PEX16: variants seen among roughly 807,000 people sequenced by gnomAD.
PEX16 encodes the protein peroxisomal biogenesis factor 16, also known as peroxin 16.
PEX16 carries 37 observed loss-of-function variants against 50.5 expected under a neutral mutation model. That is an observed-to-expected ratio of 0.73 (90% CI 0.56 to 0.96). The LOEUF is 0.96. PEX16 is among the 40% of genes least tolerant of loss of function. The pLI is 0.00. For missense variants in PEX16, 401 were observed against 438.3 expected (o/e 0.91, Z 0.76); for synonymous variants, 185 against 190.3 (o/e 0.97, Z 0.23).
intron 9 of PEX16, 81 bp downstream of exon 9, chr11:45,913,738 A>C: frequency 1.3e-6 from 2 of 1,522,308 alleles, no homozygotes; most frequent in Non-Finnish European, 9.1e-7. Context: ...GGCGTGGGGA[A>C]GGGAAGGCGC....
In PEX16 at chr11:45,914,519, G is replaced by A. The variant is rs371744103; in HGVS notation, c.542-51C>T. On this transcript the variant is annotated intron_variant, in intron 6 of 10. Transcript: ENST00000378750. ...CGAGCCAGGCCCAGGCTGGGGCAGG[G>A]GAAGGTGGCTGCTGACCAAAGCCAG... The A allele has an allele frequency of 1.9e-6, 3 of 1,611,196 alleles. No individual in the cohort carries two copies. In the African/African-American group the frequency reaches 4.0e-5, roughly 22 times the overall value.
intron 9 of PEX16, among the ~76,000 whole-genome samples, chr11:45,913,190 C>T (rs1383480506): frequency 6.6e-6 from 1 of 152,148 alleles, no homozygotes; most frequent in Non-Finnish European, 1.5e-5. Context: ...GTCTGCCTCA[C>T]AGTCCCAGCC....
chr11:45,910,907 G>A lies in PEX16; in HGVS notation c.943C>T (p.Leu315=), dbSNP rs150774189. The part of the protein sequence containing the change: ...LLADHVPGVG[L]VTRPLMDYLP... ...CCCCATCCCTGCTTACTTGTGACCAGGCCAACGCCAGGGACGTGGTCGGCC... is the reference window on the plus strand; with the variant it reads ...CCCCATCCCTGCTTACTTGTGACCAAGCCAACGCCAGGGACGTGGTCGGCC... Residue 315 remains leucine (L), a synonymous_variant, in exon 10 of 11, where the codon CTG becomes TTG. Coordinates refer to ENST00000378750, the MANE Select transcript of PEX16 (RefSeq NM_004813.4). 1,181 of 1,613,612 alleles carry A rather than the reference G, an allele frequency of 7.3e-4. 10 individuals are homozygous for A. The African/African-American group carries it at 0.014, about 19-fold the overall frequency.
intron 2 of PEX16, 54 bp downstream of exon 2, chr11:45,917,404 C>G: frequency 6.3e-7 from 1 of 1,574,902 alleles, no homozygotes; most frequent in Non-Finnish European, 8.7e-7. Flanking sequence ...CTGGGGAACT[C>G]ACCAGGGGCC....
At chr11:45,917,997 C>G, upstream of PEX16, 1 of 663,108 alleles carries the variant, frequency 1.5e-6, no homozygotes, top group Non-Finnish European at 2.7e-6. Context: ...TGAACCGCTT[C>G]CCACTCGGGT....
At position 45,917,680 on chromosome 11, in the gene PEX16, A is replaced by G; in HGVS notation, c.112+20T>C. ...ATAGGTCAGGGCCCAGAAGGAACTG[A>G]TCAAAGGTCAGGGTGGCACCTGCCA... On this transcript the variant is annotated intron_variant, in intron 1 of 10. Coordinates refer to ENST00000378750, the MANE Select transcript of PEX16 (RefSeq NM_004813.4). 1.9e-6 allele frequency: 3 copies of G among 1,544,082 alleles called. No individual in the cohort carries two copies. Among genetic ancestry groups the G allele is most frequent in the Non-Finnish European group, 2.6e-6 (3 of 1,139,480 alleles).
chr11:45,912,965 G>A (rs1476792571), intron 9 of PEX16, among the ~76,000 whole-genome samples: 1 of 151,752 alleles, frequency 6.6e-6, no homozygotes, highest in East Asian at 1.9e-4. Context: ...AGGACTTACA[G>A]GCGCACACCA....
intron 2 of PEX16, 171 bp downstream of exon 2, chr11:45,917,287 G>A (rs1168908332): frequency 1.4e-6 from 1 of 697,806 alleles, no homozygotes; most frequent in South Asian, 1.5e-5. Flanking sequence ...TTGACTTAGG[G>A]ACATGGAGGG....
upstream of PEX16, chr11:45,918,762 G>A (rs904511809): frequency 1.3e-5 from 2 of 152,246 alleles, no homozygotes; most frequent in African/African-American, 2.4e-5. Context: ...CCCCTGGGGA[G>A]TATCTTCCCA....
In PEX16 at chr11:45,915,507, T is replaced by A; in HGVS notation, c.421A>T (p.Ile141Phe). 1.9e-6 allele frequency: 3 copies of A among 1,614,096 alleles called. No individual in the cohort carries two copies. The highest frequency in any genetic ancestry group is 2.5e-6 in the Non-Finnish European group (3 of 1,180,000). The change falls in exon 5 of 11, where the codon ATC (isoleucine) becomes TTC (phenylalanine). Residue 141 changes from isoleucine to phenylalanine, a missense_variant. By Grantham distance (21) the Ile-to-Phe change is conservative. Coordinates refer to ENST00000378750, the MANE Select transcript of PEX16 (RefSeq NM_004813.4). Reference protein sequence around the residue: ...FKAGLQTSPPIVPLDRETQAQ... With the variant: ...FKAGLQTSPPFVPLDRETQAQ... ...TGGGTCTCTCTGTCCAGTGGAACGA[T>A]AGGGGGTGAAGTCTGGAGGCCAGCC...
chr11:45,917,491 G>T lies in PEX16; in HGVS notation c.115C>A (p.Arg39=). The T allele has an allele frequency of 1.2e-6, 2 of 1,614,062 alleles. No individual in the cohort carries two copies. Among genetic ancestry groups the T allele is most frequent in the Non-Finnish European group, 1.7e-6 (2 of 1,180,022 alleles). Residue 39 remains arginine, a splice_region_variant and synonymous_variant, in exon 2 of 11, where the codon CGA becomes AGA. Transcript: ENST00000378750. ...GACAGCTCGTGCGAATCGGCGAATC[G>T]ACCTGGGGAGAGGGTACAGAAGGAG... ...VRGFSYLLAG[R]FADSHELSEL...
Position 45,916,291 on chromosome 11 carries a change from G to A in PEX16, c.161C>T (p.Ser54Phe), listed in dbSNP as rs779628910. 1 of 1,613,898 alleles carries A rather than the reference G, an allele frequency of 6.2e-7. No homozygotes were observed. The highest frequency in any genetic ancestry group is 8.5e-7 in the Non-Finnish European group (1 of 1,179,962). The change falls in exon 3 of 11, where the codon TCT becomes TTT. Residue 54 changes from serine to phenylalanine, a missense_variant. Transcript: ENST00000378750. ...GTCATTGAGCAGCACAAGCAGGTTA[G>A]AGGCAGAGTACACTGAGGGGTAGAG... ...HELSELVYSA[S>F]NLLVLLNDGI...
At position 45,912,861 on chromosome 11, in the gene PEX16, C is replaced by T. The variant is rs114698570; in HGVS notation, c.887+958G>A. Among the ~76,000 whole-genome samples the T allele has an allele frequency of 4.3e-3, 652 of 151,752 alleles. 5 individuals carry two copies. The highest frequency in any genetic ancestry group is 0.015 in the African/African-American group (629 of 41,358). On this transcript the variant is annotated intron_variant, in intron 9 of 10. Coordinates refer to ENST00000378750, the MANE Select transcript of PEX16 (RefSeq NM_004813.4). The stretch of plus-strand genomic sequence containing the variant: ...TGTTTTTTTGAGACAGGGACTTACT[C>T]TGTCACCCAGGCTAGAGTGGGATGG...
In PEX16 at chr11:45,916,265, C is replaced by T. The variant is rs754220780; in HGVS notation, c.187G>A (p.Gly63Arg). ...TTCCGAAGCTCCTTCCGTAGGATCC[C>T]GTCATTGAGCAGCACAAGCAGGTTA... ...ASNLLVLLND[G>R]ILRKELRKKL... The change falls in exon 3 of 11, where the codon GGG becomes AGG. Residue 63 changes from glycine to arginine, a missense_variant. Coordinates refer to ENST00000378750, the MANE Select transcript of PEX16 (RefSeq NM_004813.4). 1.2e-5 allele frequency: 20 copies of T among 1,613,878 alleles called. No individual in the cohort carries two copies. The highest frequency in any genetic ancestry group is 3.3e-5 in the South Asian group (3 of 91,080).
In PEX16 at chr11:45,913,947, C is replaced by A. The variant is rs770024172; in HGVS notation, c.768-9G>T. On this transcript the variant is annotated splice_polypyrimidine_tract_variant and intron_variant, in intron 8 of 10. Coordinates refer to ENST00000378750, the MANE Select transcript of PEX16 (RefSeq NM_004813.4). ...CACTCAGGAGGCTCAGGCTGGGAGG[C>A]AGGGAGGACATGGTCAGGGCCAGGG... 1.2e-6 allele frequency: 2 copies of A among 1,611,688 alleles called. No homozygotes were observed. The highest frequency in any genetic ancestry group is 1.7e-6 in the Non-Finnish European group (2 of 1,179,912).
chr11:45,916,143 CAT>C, intron 3 of PEX16, 82 bp downstream of exon 3: 1 of 991,052 alleles, frequency 1.0e-6, no homozygotes, highest in African/African-American at 1.6e-5. Flanking sequence ...CTCCATGAGA[CAT>C]GTGCTGCACG....
In PEX16 at chr11:45,913,218, CCT is replaced by C. The variant is rs370181280; in HGVS notation, c.887+599_887+600del. On this transcript the variant is annotated intron_variant, in intron 9 of 10. Transcript: ENST00000378750. The stretch of plus-strand genomic sequence containing the variant: ...TCCCAGCCACTGCACAGGGTTTCCC[CCT>C]GTCAGACTGTGGTCTAACCTCAAGC... Among the ~76,000 whole-genome samples the C allele has an allele frequency of 2.0e-3, 307 of 152,256 alleles. 1 individual carries two copies. The highest frequency in any genetic ancestry group is 6.8e-3 in the African/African-American group (281 of 41,546).
Position 45,917,382 on chromosome 11 carries a change from T to G in PEX16, c.148+76A>C. On this transcript the variant is annotated intron_variant, in intron 2 of 10. Coordinates refer to ENST00000378750, the MANE Select transcript of PEX16 (RefSeq NM_004813.4). ...GGCAGCCCAGGTCCTCGGGCTGGGGTGCTCACCCTCTCTGGGGAACTCACC... is the reference window on the plus strand; with the variant it reads ...GGCAGCCCAGGTCCTCGGGCTGGGGGGCTCACCCTCTCTGGGGAACTCACC... 2.2e-6 allele frequency: 3 copies of G among 1,392,384 alleles called. No homozygotes were observed. In the South Asian group the frequency reaches 3.5e-5, roughly 16 times the overall value. The allele number at this position is 1,392,384 out of a possible 1,614,324, so 86.3% of individuals were successfully genotyped here.
upstream of PEX16, chr11:45,918,081 T>A (rs2086859705): frequency 1.9e-6 from 1 of 526,638 alleles, no homozygotes; most frequent in East Asian, 3.4e-5. Flanking sequence ...TCTCCGCCCC[T>A]GACCCGCCCA....
Sources: allele counts gnomAD v4.1 joint callset (sites outside exome capture counted in the v4.1 genomes callset), GRCh38; gene constraint gnomAD v4.1.1; transcripts MANE v1.5; gene names NCBI Gene and HGNC (gene_info 2026-07-23, HGNC 2026-07-21).